The following FAF1 variants were observed in gnomAD, a reference collection of about 807,000 sequenced individuals.
FAF1 encodes the protein Fas associated factor 1.
In FAF1, 25 loss-of-function variants were observed where a neutral mutation model predicts 92.5. The ratio of observed to expected loss-of-function variants is 0.27; its 90% confidence interval spans 0.20 to 0.38. The LOEUF is 0.38. Ranked by LOEUF, FAF1 falls within the 10% of genes least tolerant of loss-of-function variation. FAF1 has a pLI of 1.00. For missense variants in FAF1, 636 were observed against 793.3 expected (o/e 0.80, Z 2.38); for synonymous variants, 234 against 273.2 (o/e 0.86, Z 1.42).
intron 8 of FAF1, among the ~76,000 whole-genome samples, chr1:50,621,730 C>CA (rs1653221431): frequency 6.6e-6 from 1 of 152,002 alleles, no homozygotes; most frequent in Admixed American, 6.6e-5. Context: ...TTGGAGGTTA[C>CA]CTGGGGCCAG....
chr1:50,761,580 A>G (rs1328899667), intron 4 of FAF1, among the ~76,000 whole-genome samples: 1 of 152,232 alleles, frequency 6.6e-6, no homozygotes, highest in Admixed American at 6.5e-5. Context: ...AGAACCAAAG[A>G]CAAAAACCAC....
At chr1:50,751,699 C>T (rs1205933326) in intron 4 of FAF1, among the ~76,000 whole-genome samples, 3 of 152,082 alleles carry the variant, frequency 2.0e-5, no homozygotes, top group South Asian at 2.1e-4. Context: ...ATACTATAAA[C>T]GTATTTATAC....
chr1:50,785,187 C>A (rs1314974055), intron 4 of FAF1, among the ~76,000 whole-genome samples: 3 of 133,068 alleles, frequency 2.3e-5, no homozygotes, highest in Non-Finnish European at 4.8e-5. Flanking sequence ...TAGAAGAAAG[C>A]AGAAGAGAGG....
At chr1:50,630,368 A>C (rs1013668689) in intron 8 of FAF1, among the ~76,000 whole-genome samples, 4 of 152,234 alleles carry the variant, frequency 2.6e-5, no homozygotes, top group African/African-American at 9.6e-5. Context: ...TGAAATTTAC[A>C]AACATCTGAA....
At chr1:50,622,152 G>A (rs1274343830) in intron 8 of FAF1, among the ~76,000 whole-genome samples, 6 of 141,578 alleles carry the variant, frequency 4.2e-5, no homozygotes, top group South Asian at 2.3e-4. Flanking sequence ...GCAACAGAGC[G>A]AGACTCCATC....
Position 50,741,175 on chromosome 1 carries a change from G to A in FAF1, c.460-2221C>T, listed in dbSNP as rs566978748. Among the ~76,000 whole-genome samples the A allele has an allele frequency of 6.6e-5, 10 of 152,324 alleles. No homozygotes were observed. The South Asian group carries it at 2.1e-3, about 32-fold the overall frequency. On this transcript the variant is annotated intron_variant, in intron 5 of 18. Coordinates refer to ENST00000396153, the MANE Select transcript of FAF1 (RefSeq NM_007051.3). The stretch of plus-strand genomic sequence containing the variant: ...GGATGGGACCAAATTAGATACAGAA[G>A]CCTGTTGGAGAAGGTAACCTTAAGC...
intron 1 of FAF1, among the ~76,000 whole-genome samples, chr1:50,888,608 G>C (rs965750014): frequency 2.0e-5 from 3 of 151,992 alleles, no homozygotes; most frequent in African/African-American, 7.2e-5. Context: ...TTTGTCAAAG[G>C]CCTTTTCTGC....
At chr1:50,933,816 T>C (rs1645066567) in intron 1 of FAF1, among the ~76,000 whole-genome samples, 1 of 152,156 alleles carries the variant, frequency 6.6e-6, no homozygotes, top group African/African-American at 2.4e-5. Context: ...TCATTGAGAA[T>C]CATGACAGAA....
chr1:50,637,015 A>G (rs1279720088), intron 8 of FAF1, among the ~76,000 whole-genome samples: 4 of 152,154 alleles, frequency 2.6e-5, no homozygotes, highest in African/African-American at 4.8e-5. Flanking sequence ...ATATGGATCT[A>G]TTCCTGAACA....
At chr1:50,876,638 T>C (rs1207180498) in intron 1 of FAF1, among the ~76,000 whole-genome samples, 1 of 152,146 alleles carries the variant, frequency 6.6e-6, no homozygotes, top group African/African-American at 2.4e-5. Flanking sequence ...CAGGCTGGAG[T>C]GCAGTGGCGC....
intron 4 of FAF1, among the ~76,000 whole-genome samples, chr1:50,768,210 C>T (rs1232289229): frequency 6.6e-6 from 1 of 152,144 alleles, no homozygotes; most frequent in Non-Finnish European, 1.5e-5. Context: ...AAGGGCATTA[C>T]ATAATGCTAA....
intron 12 of FAF1, among the ~76,000 whole-genome samples, chr1:50,572,531 T>C (rs1385921396): frequency 6.6e-6 from 1 of 152,224 alleles, no homozygotes; most frequent in Non-Finnish European, 1.5e-5. Flanking sequence ...TATTCTTGTA[T>C]ATGGATGTTC....
intron 15 of FAF1, among the ~76,000 whole-genome samples, chr1:50,530,241 GTGTGTGT>G (rs1648071594): frequency 1.2e-5 from 1 of 82,794 alleles, no homozygotes; most frequent in South Asian, 3.0e-4. Context: ...AAGAAGTGGT[GTGTGTGT>G]GTGTGTGTGT....
Position 50,842,111 on chromosome 1 carries a change from T to A in FAF1, c.114+15818A>T, listed in dbSNP as rs559174932. On this transcript the variant is annotated intron_variant, in intron 2 of 18. Coordinates refer to ENST00000396153, the MANE Select transcript of FAF1 (RefSeq NM_007051.3). ...ACTGAACAAAAACTTTAAGACTCTG[T>A]TATACTGTAAGTATATTAAGAGTCA... Among the ~76,000 whole-genome samples the A allele has an allele frequency of 8.5e-5, 13 of 152,238 alleles. No individual in the cohort carries two copies. In the South Asian group the frequency reaches 1.2e-3, roughly 15 times the overall value.
intron 8 of FAF1, among the ~76,000 whole-genome samples, chr1:50,626,818 A>G (rs1468387499): frequency 1.1e-4 from 17 of 152,154 alleles, no homozygotes; most frequent in Non-Finnish European, 1.5e-5. Context: ...TCCACAATGA[A>G]AAGTTGGTAT....
At chr1:50,846,248 A>C (rs2124650993) in intron 2 of FAF1, among the ~76,000 whole-genome samples, 1 of 151,754 alleles carries the variant, frequency 6.6e-6, no homozygotes, top group Middle Eastern at 3.4e-3. Context: ...ATGCATACAA[A>C]AAAAAAAAAG....
At chr1:50,668,856 CAT>C (rs1289806775) in intron 7 of FAF1, among the ~76,000 whole-genome samples, 2 of 152,162 alleles carry the variant, frequency 1.3e-5, no homozygotes, top group Admixed American at 6.5e-5. Flanking sequence ...AATTTAACCA[CAT>C]GATTCATTAA....
chr1:50,659,135 T>C (rs1655259581), intron 7 of FAF1, among the ~76,000 whole-genome samples: 1 of 151,908 alleles, frequency 6.6e-6, no homozygotes, highest in South Asian at 2.1e-4. Context: ...AATGATAAAA[T>C]ACAGCTTTGT....
At chr1:50,786,126 T>C (rs1226986826) in intron 4 of FAF1, among the ~76,000 whole-genome samples, 2 of 142,072 alleles carry the variant, frequency 1.4e-5, no homozygotes, top group East Asian at 1.9e-4. Flanking sequence ...TGTGAGACCC[T>C]GTCTCAAAAA....
Sources: gnomAD v4.1 joint callset for allele counts (sites outside exome capture counted in the v4.1 genomes callset) on GRCh38, gnomAD v4.1.1 for gene constraint, MANE v1.5 for transcripts, NCBI Gene and HGNC (gene_info 2026-07-23, HGNC 2026-07-21) for gene names.